The following OXSM variants were observed in gnomAD, a reference collection of about 807,000 sequenced individuals.
OXSM encodes 3-oxoacyl-[acyl-carrier-protein] synthase, mitochondrial.
Under a neutral mutation model 29.2 loss-of-function variants are expected in OXSM, and 19 were observed. That is an observed-to-expected ratio of 0.65 (90% CI 0.45 to 0.96). The LOEUF (loss-of-function observed/expected upper bound fraction) is 0.96. Ranked by LOEUF, OXSM falls within the 40% of genes least tolerant of loss-of-function variation. The pLI, the probability that OXSM is intolerant of heterozygous loss-of-function variation, is 0.00. For synonymous variants in OXSM, 178 were observed against 197.1 expected (o/e 0.90, Z 0.81); for missense variants, 554 against 551.3 (o/e 1.00, Z -0.05).
Position 25,794,121 on chromosome 3 carries a change from G to A in OXSM, c.1007G>A (p.Gly336Asp). 5 of 1,613,688 alleles carry A rather than the reference G, an allele frequency of 3.1e-6. No homozygotes were observed. Among genetic ancestry groups the A allele is most frequent in the Non-Finnish European group, 4.2e-6 (5 of 1,179,822 alleles). ...RCMAAALKDAGVQPEEISYIN... is the reference protein window; with the variant it reads ...RCMAAALKDADVQPEEISYIN... ...ATGGCTGCTGCTTTAAAAGATGCAGGTGTGCAGCCTGAGGAGATATCCTAT... is the reference window on the plus strand; with the variant it reads ...ATGGCTGCTGCTTTAAAAGATGCAGATGTGCAGCCTGAGGAGATATCCTAT... The change falls in exon 3 of 3, where the codon GGT becomes GAT. Residue 336 changes from glycine to aspartate, a missense_variant. Physicochemically the swap from Gly to Asp is moderately conservative, Grantham distance 94 (BLOSUM62 -1). Coordinates refer to ENST00000280701, the MANE Select transcript of OXSM (RefSeq NM_017897.3).
In OXSM at chr3:25,790,112, G is replaced by A; in HGVS notation, c.-67G>A. 3 of 585,048 alleles carry A rather than the reference G, an allele frequency of 5.1e-6. No individual in the cohort carries two copies. The highest frequency in any genetic ancestry group is 9.1e-6 in the Non-Finnish European group (3 of 329,090). The allele number at this position is 585,048 out of a possible 1,614,324, so 36.2% of individuals were successfully genotyped here. A position where few individuals can be genotyped will look rare whatever the true frequency, so the allele number is the denominator to read the frequency against. On this transcript the variant is annotated 5_prime_UTR_variant, in exon 1 of 3. Transcript: ENST00000280701. ...TGCGCTCGAGAGCGTCATCGCCCCC[G>A]ACTGTGGAGAAGTGTCCGGGGTAGC...
At position 25,794,182 on chromosome 3, in the gene OXSM, T is replaced by A. The variant is rs1575678684; in HGVS notation, c.1068T>A (p.Asp356Glu). The A allele has an allele frequency of 1.9e-6, 3 of 1,614,256 alleles. No homozygotes were observed. Among genetic ancestry groups the A allele is most frequent in the Non-Finnish European group, 2.5e-6 (3 of 1,180,030 alleles). Residue 356 changes from aspartate to glutamate, a missense_variant, in exon 3 of 3, where the codon GAT becomes GAA. Physicochemically the swap from Asp to Glu is conservative, Grantham distance 45. Coordinates refer to ENST00000280701, the MANE Select transcript of OXSM (RefSeq NM_017897.3). ...NAHATSTPLG[D>E]AAENKAIKHL... The stretch of plus-strand genomic sequence containing the variant: ...ATGCTACTTCCACACCATTGGGAGA[T>A]GCTGCTGAAAACAAAGCTATCAAAC...
At chr3:25,792,733 GC>G (rs1233385077) in intron 2 of OXSM, among the ~76,000 whole-genome samples, 3 of 152,244 alleles carry the variant, frequency 2.0e-5, no homozygotes, top group Admixed American at 6.5e-5. Flanking sequence ...TGGTGATACT[GC>G]TGGTTTAAGG....
rs774471689 is a variant in OXSM, at chr3:25,791,789, A to T, written c.769A>T (p.Asn257Tyr). The T allele has an allele frequency of 6.2e-7, 1 of 1,614,048 alleles. No individual in the cohort carries two copies. Among genetic ancestry groups the T allele is most frequent in the Non-Finnish European group, 8.5e-7 (1 of 1,179,958 alleles). ...TTCCAGAGCCCGGGCTCTGAGCACA[A>T]ACTCAGATCCCAAGTTGGCATGTCG... ...GFSRARALST[N>Y]SDPKLACRPF... is the part of the protein sequence containing the mutation. The change falls in exon 2 of 3, where the codon AAC becomes TAC. Residue 257 changes from asparagine to tyrosine, a missense_variant. Coordinates refer to ENST00000280701, the MANE Select transcript of OXSM (RefSeq NM_017897.3).
chr3:25,792,173 G>C (rs1189486947), intron 2 of OXSM, among the ~76,000 whole-genome samples, 176 bp downstream of exon 2: 1 of 152,142 alleles, frequency 6.6e-6, no homozygotes, highest in Non-Finnish European at 1.5e-5. Context: ...GTATTTCAAA[G>C]CATTTGAACA....
rs771994407 is a variant in OXSM at position 25,791,142 on chromosome 3, A to G, written c.122A>G (p.His41Arg). Residue 41 changes from histidine to arginine, a missense_variant, in exon 2 of 3, where the codon CAT (histidine) becomes CGT (arginine). His to Arg is a conservative substitution (Grantham distance 29). Coordinates refer to ENST00000280701, the MANE Select transcript of OXSM (RefSeq NM_017897.3). ...FFGTVPISRL[H>R]RRVVITGIGL... ...GGAACTGTGCCAATATCCAGATTGC[A>G]TAGGCGAGTTGTCATTACAGGCATT... is the stretch of plus-strand genomic sequence containing the variant. 5.0e-6 allele frequency: 8 copies of G among 1,614,118 alleles called. No homozygotes were observed. The African/African-American group carries it at 5.3e-5, about 11-fold the overall frequency.
chr3:25,792,136 T>A, intron 2 of OXSM, 139 bp downstream of exon 2: 1 of 686,728 alleles, frequency 1.5e-6, no homozygotes, highest in Non-Finnish European at 2.4e-6. Context: ...AACAAGATTG[T>A]TTAGTTCTTT....
intron 2 of OXSM, among the ~76,000 whole-genome samples, chr3:25,793,566 T>C (rs1248393775): frequency 6.6e-6 from 1 of 152,254 alleles, no homozygotes; most frequent in African/African-American, 2.4e-5. Context: ...TAGCTTGCCT[T>C]TGTACTTTTT....
intron 1 of OXSM, chr3:25,790,446 C>A: frequency 6.2e-6 from 1 of 160,818 alleles, no homozygotes; most frequent in Non-Finnish European, 1.4e-5. Context: ...AAGACTTGTC[C>A]CCTTCCCCCA....
Position 25,792,011 on chromosome 3 carries a change from AT to A in OXSM, c.977+17del. On this transcript the variant is annotated intron_variant, in intron 2 of 2. Coordinates refer to ENST00000280701, the MANE Select transcript of OXSM (RefSeq NM_017897.3). ...AGGTGCCTTAAGGTAAAGATGGGTT[AT>A]TTCCTTCGAAATATTTCTTCAAATA... is the stretch of plus-strand genomic sequence containing the variant. 2.5e-6 allele frequency: 4 copies of A among 1,575,144 alleles called. No individual in the cohort carries two copies. The highest frequency in any genetic ancestry group is 3.4e-6 in the Non-Finnish European group (4 of 1,167,790).
intron 2 of OXSM, among the ~76,000 whole-genome samples, chr3:25,793,478 G>A (rs1251045797): frequency 6.6e-6 from 1 of 152,038 alleles, no homozygotes; most frequent in African/African-American, 2.4e-5. Context: ...TTTCTCTTAG[G>A]AACTAAAGGA....
In OXSM at chr3:25,791,066, C is replaced by T. The variant is rs915912914; in HGVS notation, c.46C>T (p.Leu16Phe). 1.9e-6 allele frequency: 3 copies of T among 1,613,602 alleles called. No homozygotes were observed. The highest frequency in any genetic ancestry group is 2.2e-5 in the South Asian group (2 of 91,070). The change falls in exon 2 of 3, where the codon CTT becomes TTT. Residue 16 changes from leucine to phenylalanine, a missense_variant. By Grantham distance (22) the Leu-to-Phe change is conservative. Coordinates refer to ENST00000280701, the MANE Select transcript of OXSM (RefSeq NM_017897.3). The stretch of plus-strand genomic sequence containing the variant: ...TTTCCTGAAAATTACAAGCACTCGT[C>T]TTCTATGTTCAAGATTATGCCAACA... Reference protein sequence around the residue: ...QNFLKITSTRLLCSRLCQQLR... With the variant: ...QNFLKITSTRFLCSRLCQQLR...
In OXSM at chr3:25,794,442, A is replaced by T; in HGVS notation, c.1328A>T (p.Asn443Ile). 1.2e-6 allele frequency: 2 copies of T among 1,613,894 alleles called. No individual in the cohort carries two copies. Among genetic ancestry groups the T allele is most frequent in the Non-Finnish European group, 1.7e-6 (2 of 1,179,784 alleles). The stretch of plus-strand genomic sequence containing the variant: ...GAGAAAAGATTTATTGGCCTCACCA[A>T]TTCCTTTGGTTTTGGTGGTACTAAT... Reference protein sequence around the residue: ...KTEKRFIGLTNSFGFGGTNAT... With the variant: ...KTEKRFIGLTISFGFGGTNAT... The change falls in exon 3 of 3, where the codon AAT becomes ATT. Residue 443 changes from asparagine to isoleucine, a missense_variant. Coordinates refer to ENST00000280701, the MANE Select transcript of OXSM (RefSeq NM_017897.3).
rs1708835049 is a variant in OXSM, at chr3:25,794,456, G to T, written c.1342G>T (p.Gly448Cys). The change falls in exon 3 of 3, where the codon GGT (glycine) becomes TGT (cysteine). Residue 448 changes from glycine (G) to cysteine (C), a missense_variant. Coordinates refer to ENST00000280701, the MANE Select transcript of OXSM (RefSeq NM_017897.3). Reference sequence around the variant, plus strand: ...TGGCCTCACCAATTCCTTTGGTTTTGGTGGTACTAATGCAACACTTTGTAT... The same window carrying T: ...TGGCCTCACCAATTCCTTTGGTTTTTGTGGTACTAATGCAACACTTTGTAT... The part of the protein sequence containing the change: ...FIGLTNSFGF[G>C]GTNATLCIAG... 2 of 1,613,344 alleles carry T rather than the reference G, an allele frequency of 1.2e-6. No individual in the cohort carries two copies. Among genetic ancestry groups the T allele is most frequent in the East Asian group, 2.2e-5 (1 of 44,878 alleles).
In OXSM at chr3:25,791,541, A is replaced by T; in HGVS notation, c.521A>T (p.Lys174Ile). 6.2e-7 allele frequency: 1 copy of T among 1,614,174 alleles called. No individual in the cohort carries two copies. The highest frequency in any genetic ancestry group is 8.5e-7 in the Non-Finnish European group (1 of 1,180,028). Reference sequence around the variant, plus strand: ...AATTTTCAGACAAAAGGTTACAATAAAGTTAGCCCATTTTTTGTCCCTAAG... The same window carrying T: ...AATTTTCAGACAAAAGGTTACAATATAGTTAGCCCATTTTTTGTCCCTAAG... The part of the protein sequence containing the change: ...ALNFQTKGYN[K>I]VSPFFVPKIL... The change falls in exon 2 of 3, where the codon AAA (lysine) becomes ATA (isoleucine). Residue 174 changes from lysine (K) to isoleucine (I), a missense_variant. Coordinates refer to ENST00000280701, the MANE Select transcript of OXSM (RefSeq NM_017897.3).
In OXSM at chr3:25,791,665, T is replaced by C. The variant is rs919865897; in HGVS notation, c.645T>C (p.Ala215=). The C allele has an allele frequency of 6.2e-7, 1 of 1,614,078 alleles. No homozygotes were observed. The highest frequency in any genetic ancestry group is 8.5e-7 in the Non-Finnish European group (1 of 1,180,030). The change falls in exon 2 of 3, where the codon GCT becomes GCC. Residue 215 remains alanine, a synonymous_variant. Transcript: ENST00000280701. ...CAGCCTGTACCACAGGAGCTCATGC[T>C]GTGGGAGACTCATTTAGATTTATAG... ...VSTACTTGAH[A]VGDSFRFIAH... is the part of the protein sequence containing the mutation.
At chr3:25,792,534 C>T (rs1708784081) in intron 2 of OXSM, among the ~76,000 whole-genome samples, 1 of 151,930 alleles carries the variant, frequency 6.6e-6, no homozygotes, top group Non-Finnish European at 1.5e-5. Context: ...CTGTATTGCC[C>T]ATGCTGGTCT....
Position 25,791,616 on chromosome 3 carries a change from A to G in OXSM, c.596A>G (p.Lys199Arg). 6.2e-7 allele frequency: 1 copy of G among 1,614,220 alleles called. No individual in the cohort carries two copies. Among genetic ancestry groups the G allele is most frequent in the Non-Finnish European group, 8.5e-7 (1 of 1,180,020 alleles). ...AGQVSIRYKL[K>R]GPNHAVSTAC... Reference sequence around the variant, plus strand: ...CAGGTCAGCATTCGATATAAACTCAAGGGCCCAAATCATGCAGTATCCACA... The same window carrying G: ...CAGGTCAGCATTCGATATAAACTCAGGGGCCCAAATCATGCAGTATCCACA... Residue 199 changes from lysine to arginine, a missense_variant, in exon 2 of 3, where the codon AAG becomes AGG. Physicochemically the swap from Lys to Arg is conservative, Grantham distance 26. Coordinates refer to ENST00000280701, the MANE Select transcript of OXSM (RefSeq NM_017897.3).
chr3:25,793,948 A>G (rs1269048748), intron 2 of OXSM, 144 bp from the exon 3 acceptor site: 2 of 672,494 alleles, frequency 3.0e-6, no homozygotes, highest in Non-Finnish European at 2.5e-6. Flanking sequence ...GTAATCCAAG[A>G]TAGTGTTCCG....
Sources: allele counts gnomAD v4.1 joint callset (sites outside exome capture counted in the v4.1 genomes callset), GRCh38; gene constraint gnomAD v4.1.1; transcripts MANE v1.5; gene names NCBI Gene and HGNC (gene_info 2026-07-23, HGNC 2026-07-21).